SCMH1: variants seen among roughly 807,000 people sequenced by gnomAD.
SCMH1 encodes the protein Scm polycomb group protein homolog 1, also known as polycomb protein SCMH1.
A neutral mutation model predicts 70.8 loss-of-function variants in SCMH1; 37 were observed. The observed-to-expected ratio is 0.52, with a 90% CI of 0.40 to 0.69. The LOEUF is 0.69. Ranked by LOEUF, SCMH1 falls within the 30% of genes least tolerant of loss-of-function variation. SCMH1 has a pLI of 0.00. For missense variants in SCMH1, 607 were observed against 827.3 expected, an observed-to-expected ratio of 0.73 and a Z score of 3.27; for synonymous variants, 292 against 307.4, an observed-to-expected ratio of 0.95 and a Z score of 0.52.
chr1:41,161,405 T>G, exon 3 of SCMH1: 1 of 1,550,666 alleles, frequency 6.4e-7, no homozygotes, highest in Non-Finnish European at 8.7e-7. Flanking sequence ...ACCATATTTG[T>G]GTTTTCTAAC....
intron 8 of SCMH1, among the ~76,000 whole-genome samples, chr1:41,083,082 T>C (rs1026033284): frequency 3.3e-5 from 5 of 152,196 alleles, no homozygotes; most frequent in South Asian, 2.1e-4. Flanking sequence ...GGATGCCCTC[T>C]CTTACCACTC....
intron 8 of SCMH1, among the ~76,000 whole-genome samples, chr1:41,076,102 C>T (rs1380044236): frequency 6.6e-6 from 1 of 152,004 alleles, no homozygotes; most frequent in African/African-American, 2.4e-5. Context: ...TTGACTCTGC[C>T]CATCTTGCTC....
intron 13 of SCMH1, among the ~76,000 whole-genome samples, chr1:41,034,868 C>T (rs908442274): frequency 2.6e-5 from 4 of 152,104 alleles, no homozygotes; most frequent in Non-Finnish European, 5.9e-5. Flanking sequence ...GGGTTTCTGC[C>T]CCTTGGTAAA....
intron 2 of SCMH1, among the ~76,000 whole-genome samples, chr1:41,172,763 G>C (rs2148518933): frequency 6.6e-6 from 1 of 152,278 alleles, no homozygotes; most frequent in African/African-American, 2.4e-5. Flanking sequence ...ACCCAGAATA[G>C]AGAACCCACA....
At chr1:41,209,958 A>AT (rs1656593123) in intron 1 of SCMH1, among the ~76,000 whole-genome samples, 1 of 152,252 alleles carries the variant, frequency 6.6e-6, no homozygotes. Context: ...CATATTTAGA[A>AT]AACCCCATCG....
At chr1:41,043,711 G>T (rs946516971) in intron 12 of SCMH1, 1 of 151,850 alleles carries the variant, frequency 6.6e-6, no homozygotes, top group Non-Finnish European at 1.5e-5. Flanking sequence ...GGGATTACAG[G>T]TGTGAGCCAC....
At chr1:41,121,495 T>C (rs1293147037) in intron 6 of SCMH1, among the ~76,000 whole-genome samples, 3 of 152,174 alleles carry the variant, frequency 2.0e-5, no homozygotes, top group Admixed American at 6.5e-5. Flanking sequence ...TGAGGCTCTA[T>C]TCAAATTAGG....
chr1:41,044,706 A>C (rs905382060), intron 12 of SCMH1, among the ~76,000 whole-genome samples: 19 of 152,062 alleles, frequency 1.2e-4, no homozygotes, highest in Non-Finnish European at 2.4e-4. Flanking sequence ...AGAATGTGAT[A>C]CCTTGGTCTT....
At chr1:41,225,575 T>G (rs1660107342) in intron 1 of SCMH1, among the ~76,000 whole-genome samples, 1 of 152,200 alleles carries the variant, frequency 6.6e-6, no homozygotes, top group Non-Finnish European at 1.5e-5. Flanking sequence ...TTAAAAGTAG[T>G]GACCAATTCC....
chr1:41,119,903 CTTT>C (rs1197065989), intron 6 of SCMH1, among the ~76,000 whole-genome samples: 2 of 152,124 alleles, frequency 1.3e-5, no homozygotes, highest in African/African-American at 2.4e-5. Flanking sequence ...TGCTACTCTT[CTTT>C]TGACAATGGT....
intron 2 of SCMH1, among the ~76,000 whole-genome samples, chr1:41,163,545 T>G (rs1646213030): frequency 6.6e-6 from 1 of 152,178 alleles, no homozygotes; most frequent in Non-Finnish European, 1.5e-5. Flanking sequence ...ATGAGGTCAC[T>G]AAGGTGGTCG....
At chr1:41,149,860 G>T (rs1644906645) in intron 5 of SCMH1, among the ~76,000 whole-genome samples, 1 of 152,186 alleles carries the variant, frequency 6.6e-6, no homozygotes, top group Non-Finnish European at 1.5e-5. Flanking sequence ...AATCCTTTCA[G>T]ATAGTTTTTT....
At chr1:41,063,277 C>T (rs955154174) in intron 10 of SCMH1, among the ~76,000 whole-genome samples, 1 of 151,822 alleles carries the variant, frequency 6.6e-6, no homozygotes. Flanking sequence ...GTCGAGACCA[C>T]CCTGGCCAAC....
chr1:41,236,664 G>A (rs1662446903), intron 1 of SCMH1, among the ~76,000 whole-genome samples: 2 of 151,812 alleles, frequency 1.3e-5, no homozygotes, highest in African/African-American at 2.4e-5. Context: ...AGGGATGATC[G>A]GATCCCTACA....
intron 10 of SCMH1, among the ~76,000 whole-genome samples, chr1:41,057,186 C>T (rs1259430079): frequency 5.9e-5 from 9 of 152,146 alleles, no homozygotes; most frequent in Non-Finnish European, 1.2e-4. Context: ...GAGATTTAGT[C>T]ATAGGACTGT....
rs1203933211 is a variant in SCMH1, at chr1:41,221,098, T to C, written c.-118+20961A>G. The stretch of plus-strand genomic sequence containing the variant: ...TAAATGGTAACCATTATCACTATTA[T>C]TACCACCATCATCATCAATACCGTA... On this transcript the variant is annotated intron_variant, in intron 1 of 14. Transcript: ENST00000337495. Among the ~76,000 whole-genome samples the C allele has an allele frequency of 2.0e-5, 3 of 152,188 alleles. No homozygotes were observed. The East Asian group carries it at 5.8e-4, about 29-fold the overall frequency.
intron 7 of SCMH1, among the ~76,000 whole-genome samples, chr1:41,115,585 G>T (rs755630447): frequency 1.3e-5 from 2 of 152,092 alleles, no homozygotes; most frequent in Non-Finnish European, 2.9e-5. Context: ...CTACAGGCAC[G>T]TGCCACCACT....
At chr1:41,156,953 C>CTTTTTTT (rs66641047) in intron 4 of SCMH1, among the ~76,000 whole-genome samples, 1 of 110,854 alleles carries the variant, frequency 9.0e-6, no homozygotes, top group Non-Finnish European at 1.8e-5. Context: ...TATAAGCCAA[C>CTTTTTTT]TTTTTTTTTT....
intron 10 of SCMH1, among the ~76,000 whole-genome samples, chr1:41,058,695 C>T (rs1433584826): frequency 6.6e-6 from 1 of 152,040 alleles, no homozygotes; most frequent in Non-Finnish European, 1.5e-5. Flanking sequence ...TATACATTTT[C>T]TTAAAGGAGG....
Sources: allele counts gnomAD v4.1 joint callset (sites outside exome capture counted in the v4.1 genomes callset), GRCh38; gene constraint gnomAD v4.1.1; transcripts MANE v1.5; gene names NCBI Gene and HGNC (gene_info 2026-07-23, HGNC 2026-07-21).